The following KAZN variants were observed in gnomAD, a reference collection of about 807,000 sequenced individuals.
KAZN encodes kazrin.
In KAZN, 40 loss-of-function variants were observed where a neutral mutation model predicts 87.4. The ratio of observed to expected loss-of-function variants is 0.46; its 90% CI spans 0.36 to 0.60. The LOEUF (loss-of-function observed/expected upper bound fraction) is 0.60. Ranked by LOEUF, KAZN falls within the 20% of genes least tolerant of loss-of-function variation. The pLI, the probability that KAZN is intolerant of heterozygous loss-of-function variation, is 0.00. For synonymous variants in KAZN, 466 were observed against 458.3 expected, an observed-to-expected ratio of 1.02 and a Z score of -0.22; for missense variants, 898 against 1,073.9, an observed-to-expected ratio of 0.84 and a Z score of 2.29.
chr1:14,356,552 G>GT (rs200922011), intron 2 of KAZN, among the ~76,000 whole-genome samples: 13,231 of 152,136 alleles, frequency 0.087, 764 homozygotes, highest in South Asian at 0.21. Flanking sequence ...GGTTTTTATG[G>GT]TTTTAGGTCT....
intron 2 of KAZN, among the ~76,000 whole-genome samples, chr1:14,313,505 TATA>T (rs575604029): frequency 1.1e-3 from 161 of 152,332 alleles, no homozygotes; most frequent in African/African-American, 3.8e-3. Flanking sequence ...TTACGCCTTT[TATA>T]AGCCACTTAA....
chr1:14,690,079 C>T lies in KAZN; in HGVS notation c.226+90856C>T, dbSNP rs116653018. Among the ~76,000 whole-genome samples, 374 of 152,194 alleles carry T rather than the reference C, an allele frequency of 2.5e-3. 2 individuals carry two copies. Among genetic ancestry groups the T allele is most frequent in the African/African-American group, 8.5e-3 (353 of 41,540 alleles). On this transcript the variant is annotated intron_variant, in intron 1 of 14. Coordinates refer to ENST00000376030, the MANE Select transcript of KAZN (RefSeq NM_201628.3). ...CCAAAGCAACCTGCTGCGTCAACAC[C>T]GTCACCTCCTACAATCAGGTAAATG...
intron 2 of KAZN, among the ~76,000 whole-genome samples, chr1:15,015,132 TTTTATTTATTTATTTA>T (rs149046122): frequency 3.0e-4 from 45 of 149,418 alleles, no homozygotes; most frequent in African/African-American, 6.4e-4. Flanking sequence ...AGTTTTTTCT[TTTTATTTATTTATTTA>T]TTTATTTATT....
intron 1 of KAZN, among the ~76,000 whole-genome samples, chr1:14,867,107 C>T (rs192421317): frequency 1.2e-4 from 18 of 152,252 alleles, no homozygotes; most frequent in African/African-American, 3.8e-4. Context: ...TTTTTCCAGG[C>T]CTCCTCTGCT....
chr1:14,580,264 T>C (rs1262319007), intron 2 of KAZN, among the ~76,000 whole-genome samples: 2 of 152,088 alleles, frequency 1.3e-5, no homozygotes, highest in African/African-American at 4.8e-5. Context: ...TCACCTGAGG[T>C]TGGGAGTTCG....
intron 1 of KAZN, among the ~76,000 whole-genome samples, chr1:14,789,482 G>A (rs894672983): frequency 1.3e-5 from 2 of 152,086 alleles, no homozygotes; most frequent in Non-Finnish European, 2.9e-5. Flanking sequence ...CTCCTCTGGT[G>A]CCTCTCACCT....
chr1:13,995,665 C>T (rs1405645633), intron 1 of KAZN, among the ~76,000 whole-genome samples: 1 of 152,166 alleles, frequency 6.6e-6, no homozygotes, highest in Non-Finnish European at 1.5e-5. Context: ...GTAGAAATTT[C>T]ACAGTTGGGA....
chr1:14,544,737 T>TC (rs1673035386), intron 2 of KAZN, among the ~76,000 whole-genome samples: 1 of 148,402 alleles, frequency 6.7e-6, no homozygotes, highest in Non-Finnish European at 1.5e-5. Flanking sequence ...GCTTCTTTAT[T>TC]TAAAAAAAAA....
chr1:14,427,861 C>A (rs1665826839), intron 2 of KAZN, among the ~76,000 whole-genome samples: 1 of 152,128 alleles, frequency 6.6e-6, no homozygotes. Flanking sequence ...AATGGACTAC[C>A]TGTAAATGAA....
At chr1:14,591,834 C>A (rs1676221871) in intron 2 of KAZN, among the ~76,000 whole-genome samples, 1 of 152,128 alleles carries the variant, frequency 6.6e-6, no homozygotes, top group African/African-American at 2.4e-5. Context: ...TGTGTTTCAT[C>A]AACACTGAAC....
chr1:13,971,603 T>TTGTTG lies in KAZN; in HGVS notation c.91+77848_91+77849insGTTGT, dbSNP rs1553180009. Among the ~76,000 whole-genome samples, 243 of 133,890 alleles carry TTGTTG rather than the reference T, an allele frequency of 1.8e-3. 1 individual carries two copies. Among genetic ancestry groups the TTGTTG allele is most frequent in the African/African-American group, 5.9e-3 (239 of 40,310 alleles). The allele number at this position is 133,890 out of a possible 152,430, so 87.8% of individuals were successfully genotyped here. ...ACTGAGTATCTTGTGAGGTTTTTTTTTTGTTGTTGTTGTTGTTGTTGTATC... is the reference window on the plus strand; with the variant it reads ...ACTGAGTATCTTGTGAGGTTTTTTTTTGTTGTTGTTGTTGTTGTTGTTGTTGTATC... On this transcript the variant is annotated intron_variant, in intron 1 of 16. Transcript: ENST00000636203.
chr1:14,883,654 T>G (rs1653733758), intron 1 of KAZN, among the ~76,000 whole-genome samples: 1 of 152,064 alleles, frequency 6.6e-6, no homozygotes, highest in Admixed American at 6.5e-5. Context: ...TTGGATCTAA[T>G]TTCAAGAGAT....
rs371783392 is a variant in KAZN at position 15,016,093 on chromosome 1, GGAAGA to G, written c.419-18643_419-18639del. ...AGATCATTCTGGGACAAGTGTACTT[GGAAGA>G]GAAGAGAAGAGAGGAGCACTGAGGG... is the stretch of plus-strand genomic sequence containing the variant. On this transcript the variant is annotated intron_variant, in intron 2 of 14. Transcript: ENST00000376030. Among the ~76,000 whole-genome samples the G allele has an allele frequency of 4.5e-4, 68 of 152,262 alleles. 1 individual carries two copies. The South Asian group carries it at 0.013, about 29-fold the overall frequency.
intron 4 of KAZN, 106 bp downstream of exon 4, chr1:15,044,265 G>A: frequency 2.1e-6 from 2 of 947,054 alleles, no homozygotes; most frequent in Non-Finnish European, 3.0e-6. Context: ...GGTGGGGTGG[G>A]TGGGGCAGAG....
At chr1:14,579,618 C>G (rs1236323407) in intron 2 of KAZN, among the ~76,000 whole-genome samples, 7 of 150,582 alleles carry the variant, frequency 4.6e-5, no homozygotes, top group African/African-American at 7.3e-5. Context: ...CAGCGAGACT[C>G]CGTCTCAAAA....
chr1:14,700,374 A>G (rs1361870659), intron 1 of KAZN, among the ~76,000 whole-genome samples: 1 of 151,988 alleles, frequency 6.6e-6, no homozygotes, highest in Admixed American at 6.6e-5. Flanking sequence ...CAGGAGACTG[A>G]GGAGGAGAAT....
intron 2 of KAZN, among the ~76,000 whole-genome samples, chr1:14,387,688 C>T (rs1159942873): frequency 6.6e-5 from 10 of 151,868 alleles, no homozygotes; most frequent in East Asian, 3.9e-4. Context: ...TCTCCAGCTG[C>T]GTGCTGGGAG....
At chr1:13,932,121 G>A (rs964886926) in intron 1 of KAZN, among the ~76,000 whole-genome samples, 2 of 151,032 alleles carry the variant, frequency 1.3e-5, no homozygotes, top group South Asian at 2.1e-4. Flanking sequence ...GTCTCCCAAA[G>A]TGCTAGTATT....
Position 14,187,743 on chromosome 1 carries a change from T to C in KAZN, c.249+7151T>C, listed in dbSNP as rs536350223. On this transcript the variant is annotated intron_variant, in intron 2 of 16. Coordinates refer to the KAZN transcript ENST00000636203. Reference sequence around the variant, plus strand: ...GAGAGCTGCTCACAGCAAAGACTTATCCAACTTCAAATGTTAGGAGTGTCA... The same window carrying C: ...GAGAGCTGCTCACAGCAAAGACTTACCCAACTTCAAATGTTAGGAGTGTCA... 8.5e-5 allele frequency among the ~76,000 whole-genome samples: 13 copies of C among 152,328 alleles called. No individual in the cohort carries two copies. In the South Asian group the frequency reaches 1.0e-3, roughly 12 times the overall value.
Sources: allele counts gnomAD v4.1 joint callset (sites outside exome capture counted in the v4.1 genomes callset), GRCh38; gene constraint gnomAD v4.1.1; transcripts MANE v1.5; gene names NCBI Gene and HGNC (gene_info 2026-07-23, HGNC 2026-07-21).